Variants in DISP3 observed in about 807,000 individuals in gnomAD.
The protein encoded by DISP3 is protein dispatched homolog 3.
A neutral mutation model predicts 135.3 loss-of-function variants in DISP3; 101 were observed. The ratio of observed to expected loss-of-function variants is 0.75; its 90% confidence interval spans 0.64 to 0.88. DISP3 has a LOEUF of 0.88. Ranked by LOEUF, DISP3 falls within the 40% of genes least tolerant of loss-of-function variation. DISP3 has a pLI of 0.00. For missense variants in DISP3, 1,713 were observed against 1,878.6 expected, an observed-to-expected ratio of 0.91 and a Z score of 1.63; for synonymous variants, 856 against 817.0, an observed-to-expected ratio of 1.05 and a Z score of -0.81.
chr1:11,508,735 A>G (rs1452577621), intron 3 of DISP3, among the ~76,000 whole-genome samples: 1 of 152,206 alleles, frequency 6.6e-6, no homozygotes, highest in Non-Finnish European at 1.5e-5. Flanking sequence ...TAAGCACATC[A>G]ATGGGGAATG....
chr1:11,529,857 G>A lies in DISP3; in HGVS notation c.3000G>A (p.Ala1000=), dbSNP rs201563606. 124 of 1,613,920 alleles carry A rather than the reference G, an allele frequency of 7.7e-5. No individual in the cohort carries two copies. The highest frequency in any genetic ancestry group is 1.3e-4 in the East Asian group (6 of 44,898). Residue 1000 remains alanine, a synonymous_variant, in exon 15 of 21, where the codon GCG becomes GCA. Coordinates refer to ENST00000294484, the MANE Select transcript of DISP3 (RefSeq NM_020780.2). This position sits in a 1 kb window ranked among gnomAD's most constrained non-coding sequence, Gnocchi z 4.7. ...TGAACACGGGCTGCGGGAAGCCGGC[G>A]GTGCGGCCACTAGTGGATACCGGGG... The part of the protein sequence containing the change: ...PCVNTGCGKP[A]VRPLVDTGAM...
At position 11,514,446 on chromosome 1, in the gene DISP3, C is replaced by T. The variant is rs750046637; in HGVS notation, c.1373C>T (p.Thr458Met). Residue 458 changes from threonine (T) to methionine (M), a missense_variant, in exon 4 of 21, where the codon ACG becomes ATG. By Grantham distance (81) the Thr-to-Met change is moderately conservative. Transcript: ENST00000294484. The stretch of plus-strand genomic sequence containing the variant: ...CTGTTTGACTATGAAGTGCGCAGGA[C>T]GTTCAACAATGACATGCTCCTGGCC... ...TDLFDYEVRR[T>M]FNNDMLLAFI... 6 of 1,613,674 alleles carry T rather than the reference C, an allele frequency of 3.7e-6. No homozygotes were observed. The highest frequency in any genetic ancestry group is 2.2e-5 in the East Asian group (1 of 44,884).
At chr1:11,521,995 A>G (rs1642209083) in intron 10 of DISP3, among the ~76,000 whole-genome samples, 1 of 152,142 alleles carries the variant, frequency 6.6e-6, no homozygotes, top group Non-Finnish European at 1.5e-5. Flanking sequence ...TGCTGGGACC[A>G]GCATGCTGAT....
At chr1:11,534,568 T>C in intron 18 of DISP3, 28 bp downstream of exon 18, 1 of 1,581,304 alleles carries the variant, frequency 6.3e-7, no homozygotes, top group African/African-American at 1.3e-5. Context: ...CCCTCCATCC[T>C]GGGTGGGCAG....
chr1:11,495,807 C>T (rs962213175), intron 1 of DISP3, among the ~76,000 whole-genome samples: 2 of 152,208 alleles, frequency 1.3e-5, no homozygotes, highest in African/African-American at 4.8e-5. Flanking sequence ...TCACTGGGCG[C>T]TGTCCTGCTA....
chr1:11,505,561 C>T (rs1043090226), intron 3 of DISP3, among the ~76,000 whole-genome samples: 1 of 152,208 alleles, frequency 6.6e-6, no homozygotes, highest in Non-Finnish European at 1.5e-5. Flanking sequence ...GTAGACTTGA[C>T]TTAAGCGCTT....
intron 1 of DISP3, among the ~76,000 whole-genome samples, chr1:11,479,878 A>G (rs1294790726): frequency 6.6e-6 from 1 of 151,580 alleles, no homozygotes; most frequent in South Asian, 2.1e-4. Flanking sequence ...CATTTCCCCG[A>G]TTAACCTGGC....
chr1:11,506,707 A>G (rs1438031127), intron 3 of DISP3, among the ~76,000 whole-genome samples: 4 of 152,222 alleles, frequency 2.6e-5, no homozygotes, highest in Admixed American at 6.5e-5. Context: ...AACTTTTAAT[A>G]TATGGATAAC....
Position 11,512,736 on chromosome 1 carries a change from A to G in DISP3, c.1317-1654A>G, listed in dbSNP as rs1305965813. On this transcript the variant is annotated intron_variant, in intron 3 of 20. Coordinates refer to ENST00000294484, the MANE Select transcript of DISP3 (RefSeq NM_020780.2). ...TATCTTTTCAGCAGAGCCCCACTCT[A>G]CTGGTACCAATTTACTGTATTAGTC... 3.3e-5 allele frequency among the ~76,000 whole-genome samples: 5 copies of G among 152,164 alleles called. No individual in the cohort carries two copies. In the East Asian group the frequency reaches 7.7e-4, roughly 23 times the overall value.
Position 11,536,609 on chromosome 1 carries a change from G to A in DISP3, c.4102G>A (p.Ala1368Thr), listed in dbSNP as rs2100523787. The change falls in exon 21 of 21, where the codon GCC becomes ACC. Residue 1368 changes from alanine (A) to threonine (T), a missense_variant. Physicochemically the swap from Ala to Thr is moderately conservative, Grantham distance 58. Transcript: ENST00000294484. This position sits in a 1 kb window ranked among gnomAD's most constrained non-coding sequence, Gnocchi z 4.3. ...KALGAVLLAG[A>T]LGLGACLVLL... ...CCTGGGTGCCGTGCTGCTGGCAGGG[G>A]CCCTGGGGCTGGGTGCCTGCCTCGT... 1.2e-6 allele frequency: 2 copies of A among 1,610,204 alleles called. No individual in the cohort carries two copies. The highest frequency in any genetic ancestry group is 1.7e-6 in the Non-Finnish European group (2 of 1,179,296).
In DISP3 at chr1:11,504,899, A is replaced by T. The variant is rs144765300; in HGVS notation, c.1316+2002A>T. Among the ~76,000 whole-genome samples the T allele has an allele frequency of 3.4e-3, 517 of 152,316 alleles. 4 individuals carry two copies. The highest frequency in any genetic ancestry group is 0.011 in the African/African-American group (472 of 41,566). ...TCAGACTGAGACACTACCTGTTTCCACAGTCCCCTTTCTTCTCCTTAAGGG... is the reference window on the plus strand; with the variant it reads ...TCAGACTGAGACACTACCTGTTTCCTCAGTCCCCTTTCTTCTCCTTAAGGG... On this transcript the variant is annotated intron_variant, in intron 3 of 20. Transcript: ENST00000294484.
intron 1 of DISP3, among the ~76,000 whole-genome samples, chr1:11,489,896 A>G (rs1557592086): frequency 6.6e-6 from 1 of 152,268 alleles, no homozygotes; most frequent in Admixed American, 6.5e-5. Context: ...ATCACGTCTC[A>G]GAATGAAAAG....
rs765104910 is a variant in DISP3 at position 11,499,925 on chromosome 1, C to T, written c.-3-1065C>T. On this transcript the variant is annotated intron_variant, in intron 1 of 20. Coordinates refer to ENST00000294484, the MANE Select transcript of DISP3 (RefSeq NM_020780.2). This position sits in a 1 kb window ranked among gnomAD's most constrained non-coding sequence, Gnocchi z 5.2. ...AGCACAATTAGCTTCCTCCTCTTAC[C>T]GCCTAGCATCTAACTGGATAATGAG... Among the ~76,000 whole-genome samples the T allele has an allele frequency of 6.6e-6, 1 of 152,240 alleles. No individual in the cohort carries two copies. The highest frequency in any genetic ancestry group is 1.5e-5 in the Non-Finnish European group (1 of 68,042).
At chr1:11,488,490 C>T (rs541750172) in intron 1 of DISP3, among the ~76,000 whole-genome samples, 7 of 152,200 alleles carry the variant, frequency 4.6e-5, no homozygotes, top group Non-Finnish European at 8.8e-5. Context: ...CCTGGGTGGG[C>T]ACCGAAGGTG....
intron 3 of DISP3, among the ~76,000 whole-genome samples, chr1:11,511,876 G>A (rs538953226): frequency 9.3e-4 from 141 of 152,300 alleles, no homozygotes; most frequent in South Asian, 2.3e-3. Flanking sequence ...AAATGTAGGT[G>A]GAGGTTCCCA....
chr1:11,522,500 C>G (rs571710708), intron 10 of DISP3, among the ~76,000 whole-genome samples: 2 of 152,196 alleles, frequency 1.3e-5, no homozygotes, highest in African/African-American at 4.8e-5. Context: ...GGACAAACCC[C>G]GAAGCTCCCT....
intron 1 of DISP3, among the ~76,000 whole-genome samples, chr1:11,495,190 G>A (rs759692298): frequency 2.0e-5 from 3 of 152,148 alleles, no homozygotes; most frequent in Non-Finnish European, 4.4e-5. Context: ...AGGAGTTCGA[G>A]ACCAGCCTGG....
rs1642145197 is a variant in DISP3, at chr1:11,520,259, G to GCCA, written c.2200+380_2200+381insCAC. Among the ~76,000 whole-genome samples the GCCA allele has an allele frequency of 6.6e-6, 1 of 152,220 alleles. No individual in the cohort carries two copies. The highest frequency in any genetic ancestry group is 2.1e-4 in the South Asian group (1 of 4,836). On this transcript the variant is annotated intron_variant, in intron 9 of 20. Transcript: ENST00000294484. This position sits in a 1 kb window ranked among gnomAD's most constrained non-coding sequence, Gnocchi z 4.8. ...GATGAGAACGGTGGCTAGGAAGGCA[G>GCCA]CTGTCAGTGGAGAGTATGTATAAAG...
At chr1:11,502,110 A>G in intron 2 of DISP3, 22 bp downstream of exon 2, 1 of 1,531,960 alleles carries the variant, frequency 6.5e-7, no homozygotes, top group East Asian at 2.3e-5. Context: ...GGATGCTGGG[A>G]GGGGGCGTAG....
Sources: allele counts gnomAD v4.1 joint callset (sites outside exome capture counted in the v4.1 genomes callset), GRCh38; gene constraint gnomAD v4.1.1; non-coding constraint Gnocchi (gnomAD v3.1); transcripts MANE v1.5; gene names NCBI Gene and HGNC (gene_info 2026-07-23, HGNC 2026-07-21).